DAB1: variants seen among roughly 807,000 people sequenced by gnomAD.
The protein encoded by DAB1 is disabled homolog 1.
DAB1 carries 15 observed loss-of-function variants against 64.6 expected under a neutral mutation model. That is an observed-to-expected ratio of 0.23 (90% CI 0.16 to 0.36). The LOEUF (loss-of-function observed/expected upper bound fraction) is 0.36, where lower values mean the gene tolerates loss of function less well. Ranked by LOEUF, DAB1 falls within the 10% of genes least tolerant of loss-of-function variation. The pLI is 1.00. For synonymous variants in DAB1, 235 were observed against 251.9 expected (o/e 0.93, Z 0.64); for missense variants, 596 against 706.7 (o/e 0.84, Z 1.78).
At chr1:58,366,125 G>A (rs1644215020) in intron 3 of DAB1, among the ~76,000 whole-genome samples, 2 of 152,138 alleles carry the variant, frequency 1.3e-5, no homozygotes, top group Non-Finnish European at 2.9e-5. Context: ...CTTGGTGGAT[G>A]GCAAGTTGAC....
intron 4 of DAB1, among the ~76,000 whole-genome samples, chr1:58,224,964 A>T (rs1659382582): frequency 6.6e-6 from 1 of 152,198 alleles, no homozygotes; most frequent in South Asian, 2.1e-4. Flanking sequence ...GACAAATCGG[A>T]TCTAATTAAA....
chr1:58,288,469 A>C lies in DAB1; in HGVS notation n.309+54883T>G, dbSNP rs1359690948. Reference sequence around the variant, plus strand: ...CCCTTAGTCTCTATTAAAGTCTACAATTTAATAACAATGGCTTCCCTGAAG... The same window carrying C: ...CCCTTAGTCTCTATTAAAGTCTACACTTTAATAACAATGGCTTCCCTGAAG... On this transcript the variant is annotated intron_variant and non_coding_transcript_variant, in intron 4 of 20. Coordinates refer to the DAB1 transcript ENST00000485760. Among the ~76,000 whole-genome samples, 6 of 152,150 alleles carry C rather than the reference A, an allele frequency of 3.9e-5. 1 individual carries two copies. The South Asian group carries it at 1.0e-3, about 26-fold the overall frequency.
chr1:58,252,224 C>G (rs1255362404), intron 4 of DAB1, among the ~76,000 whole-genome samples: 3 of 152,188 alleles, frequency 2.0e-5, no homozygotes, highest in Non-Finnish European at 4.4e-5. Flanking sequence ...CTGTCCAGGA[C>G]CAGGCAGGGG....
At chr1:58,253,125 T>C (rs7530087) in intron 4 of DAB1, among the ~76,000 whole-genome samples, 69,204 of 151,960 alleles carry the variant, frequency 0.46, 16,664 homozygotes, top group East Asian at 0.67. Flanking sequence ...TTCGAACCTC[T>C]CCTGTCATTT....
intron 5 of DAB1, among the ~76,000 whole-genome samples, chr1:57,910,941 G>C (rs543530481): frequency 6.6e-6 from 1 of 152,228 alleles, no homozygotes; most frequent in East Asian, 1.9e-4. Flanking sequence ...CTACCTACAG[G>C]GGCAGATGTG....
chr1:57,286,102 A>T (rs1672294956), intron 2 of DAB1, among the ~76,000 whole-genome samples: 2 of 152,236 alleles, frequency 1.3e-5, no homozygotes, highest in African/African-American at 2.4e-5. Context: ...TTGAATTGTG[A>T]ATACTCTAGT....
intron 3 of DAB1, among the ~76,000 whole-genome samples, chr1:58,479,252 T>C (rs1645449234): frequency 6.6e-6 from 1 of 152,220 alleles, no homozygotes. Context: ...AGTGTCTTTA[T>C]ATGTTATGGA....
intron 1 of DAB1, among the ~76,000 whole-genome samples, chr1:57,869,703 G>A (rs951101445): frequency 6.6e-6 from 1 of 152,102 alleles, no homozygotes; most frequent in African/African-American, 2.4e-5. Flanking sequence ...AAGTGGTGAC[G>A]AGAGAAACTT....
At chr1:57,510,440 T>C (rs1485428649) in intron 7 of DAB1, among the ~76,000 whole-genome samples, 1 of 152,192 alleles carries the variant, frequency 6.6e-6, no homozygotes, top group East Asian at 1.9e-4. Context: ...TTATGTCTTC[T>C]CTATCTATAC....
chr1:58,489,336 C>G (rs943454867), intron 3 of DAB1, among the ~76,000 whole-genome samples: 1 of 152,212 alleles, frequency 6.6e-6, no homozygotes, highest in Non-Finnish European at 1.5e-5. Flanking sequence ...CACAGAGCCT[C>G]GCTCATTACT....
chr1:57,886,549 C>CTTCATATCTCATTTAACAT (rs573506211), upstream of DAB1, among the ~76,000 whole-genome samples: 1 of 152,164 alleles, frequency 6.6e-6, no homozygotes, highest in Non-Finnish European at 1.5e-5. Context: ...CCTTCGTATA[C>CTTCATATCTCATTTAACAT]TTCATATCTC....
At chr1:58,337,931 A>C (rs1423009116) in intron 4 of DAB1, among the ~76,000 whole-genome samples, 1 of 152,116 alleles carries the variant, frequency 6.6e-6, no homozygotes, top group Non-Finnish European at 1.5e-5. Context: ...TATAGTTAAC[A>C]GTACTATTAC....
Position 58,310,430 on chromosome 1 carries a change from G to A in DAB1, n.309+32922C>T, listed in dbSNP as rs946169303. ...AGAACATTATAGGAGAGTATAATGT[G>A]TGTAGATTTTTCAATAAGCTGAGTT... On this transcript the variant is annotated intron_variant and non_coding_transcript_variant, in intron 4 of 20. Coordinates refer to the DAB1 transcript ENST00000485760. 3.3e-5 allele frequency among the ~76,000 whole-genome samples: 5 copies of A among 152,156 alleles called. No homozygotes were observed. In the East Asian group the frequency reaches 9.6e-4, roughly 29 times the overall value.
chr1:58,443,032 T>C (rs1339438883), intron 3 of DAB1, among the ~76,000 whole-genome samples: 2 of 152,220 alleles, frequency 1.3e-5, no homozygotes, highest in African/African-American at 2.4e-5. Flanking sequence ...GAAGCCAATT[T>C]TGAAGAAATC....
chr1:58,497,926 A>C (rs1290056745), intron 3 of DAB1, among the ~76,000 whole-genome samples: 1 of 152,168 alleles, frequency 6.6e-6, no homozygotes, highest in African/African-American at 2.4e-5. Flanking sequence ...TCCCAGGTAT[A>C]CAGGAAGTAT....
intron 7 of DAB1, among the ~76,000 whole-genome samples, chr1:57,548,794 G>C (rs182410613): frequency 6.6e-6 from 1 of 152,122 alleles, no homozygotes; most frequent in South Asian, 2.1e-4. Flanking sequence ...ATACATGGAG[G>C]TTTTCTAGCA....
At chr1:58,389,961 G>C (rs567486337) in intron 3 of DAB1, among the ~76,000 whole-genome samples, 52 of 152,100 alleles carry the variant, frequency 3.4e-4, no homozygotes, top group African/African-American at 1.2e-3. Context: ...GGGAGGATGG[G>C]GGGCAGGCAT....
chr1:58,425,393 C>G (rs1029849622), intron 3 of DAB1, among the ~76,000 whole-genome samples: 2 of 152,246 alleles, frequency 1.3e-5, no homozygotes, highest in East Asian at 3.8e-4. Flanking sequence ...CGTTCCTAGG[C>G]TAGCTTTGTG....
intron 3 of DAB1, among the ~76,000 whole-genome samples, chr1:58,362,339 T>G (rs1366988114): frequency 6.6e-6 from 1 of 152,204 alleles, no homozygotes; most frequent in Non-Finnish European, 1.5e-5. Context: ...TAGTGGCACA[T>G]GCTGAAAGAT....
Sources: gnomAD v4.1 joint callset for allele counts (sites outside exome capture counted in the v4.1 genomes callset) on GRCh38, gnomAD v4.1.1 for gene constraint, MANE v1.5 for transcripts, NCBI Gene and HGNC (gene_info 2026-07-23, HGNC 2026-07-21) for gene names.